SLC24A4: variants seen among roughly 807,000 people sequenced by gnomAD.
The protein encoded by SLC24A4 is sodium/potassium/calcium exchanger 4.
Under a neutral mutation model 79.0 loss-of-function variants are expected in SLC24A4, and 53 were observed. That is an observed-to-expected ratio of 0.67 (90% confidence interval 0.54 to 0.84). SLC24A4 has a LOEUF of 0.84. Ranked by LOEUF, SLC24A4 falls within the 40% of genes least tolerant of loss-of-function variation. The pLI, the probability that SLC24A4 is intolerant of heterozygous loss-of-function variation, is 0.00. For missense variants in SLC24A4, 731 were observed against 822.0 expected, an observed-to-expected ratio of 0.89 and a Z score of 1.35; for synonymous variants, 323 against 323.8, an observed-to-expected ratio of 1.00 and a Z score of 0.03.
chr14:92,411,428 A>G (rs932653444), intron 2 of SLC24A4, among the ~76,000 whole-genome samples: 1 of 152,008 alleles, frequency 6.6e-6, no homozygotes, highest in African/African-American at 2.4e-5. Flanking sequence ...ACATTTTTCC[A>G]TGCCCAGTGT....
At chr14:92,402,389 G>T (rs1187139860) in intron 2 of SLC24A4, among the ~76,000 whole-genome samples, 2 of 152,126 alleles carry the variant, frequency 1.3e-5, no homozygotes, top group Non-Finnish European at 2.9e-5. Context: ...CATGGAGATT[G>T]TCCCAGCTCT....
At chr14:92,332,356 T>C (rs933819146) in intron 2 of SLC24A4, among the ~76,000 whole-genome samples, 1 of 152,022 alleles carries the variant, frequency 6.6e-6, no homozygotes, top group Admixed American at 6.5e-5. Flanking sequence ...TGGTCAACAG[T>C]AGGGTATTGG....
chr14:92,331,092 T>C (rs1421386061), intron 2 of SLC24A4, among the ~76,000 whole-genome samples: 1 of 152,100 alleles, frequency 6.6e-6, no homozygotes, highest in African/African-American at 2.4e-5. Flanking sequence ...AACAGTTGCA[T>C]TCTGTGACTG....
intron 12 of SLC24A4, among the ~76,000 whole-genome samples, chr14:92,472,953 C>T (rs1308056813): frequency 6.6e-6 from 1 of 152,200 alleles, no homozygotes; most frequent in African/African-American, 2.4e-5. Context: ...CCTCCCTTGC[C>T]CCATGAAAGC....
chr14:92,486,262 C>T (rs1895352144), intron 13 of SLC24A4, among the ~76,000 whole-genome samples: 1 of 152,186 alleles, frequency 6.6e-6, no homozygotes, highest in South Asian at 2.1e-4. Flanking sequence ...GAAGAAATGA[C>T]TTCTGTAAAG....
chr14:92,327,738 G>A lies in SLC24A4; in HGVS notation c.241+1760G>A, dbSNP rs147468359. ...TCTCCTTTGCCCCGCTGTGGGCTCT[G>A]TGTCTGTCTTCAGCTGTCTGATTAA... On this transcript the variant is annotated intron_variant, in intron 2 of 16. Coordinates refer to ENST00000532405, the MANE Select transcript of SLC24A4 (RefSeq NM_153646.4). 1.2e-4 allele frequency among the ~76,000 whole-genome samples: 18 copies of A among 152,314 alleles called. No individual in the cohort carries two copies. In the East Asian group the frequency reaches 3.5e-3, roughly 29 times the overall value.
chr14:92,382,742 T>C (rs1283448350), intron 2 of SLC24A4, among the ~76,000 whole-genome samples: 1 of 152,208 alleles, frequency 6.6e-6, no homozygotes, highest in Non-Finnish European at 1.5e-5. Flanking sequence ...TGATCAGTCC[T>C]AGAAATCCAT....
At chr14:92,336,657 T>C (rs2141607444) in intron 2 of SLC24A4, among the ~76,000 whole-genome samples, 1 of 152,334 alleles carries the variant, frequency 6.6e-6, no homozygotes, top group Non-Finnish European at 1.5e-5. Context: ...CAGTCCCTGC[T>C]GTCAGTGAGC....
At chr14:92,472,342 A>G (rs1894483458) in intron 12 of SLC24A4, among the ~76,000 whole-genome samples, 1 of 151,996 alleles carries the variant, frequency 6.6e-6, no homozygotes, top group African/African-American at 2.4e-5. Context: ...ATTTTCGTGC[A>G]CGCATCACCC....
chr14:92,355,252 C>T (rs1164781521), intron 2 of SLC24A4, among the ~76,000 whole-genome samples: 3 of 151,968 alleles, frequency 2.0e-5, no homozygotes, highest in Non-Finnish European at 4.4e-5. Context: ...ACAAGGTGGG[C>T]CTGTAGACGT....
chr14:92,424,482 C>T (rs1295204723), intron 2 of SLC24A4, among the ~76,000 whole-genome samples: 8 of 152,062 alleles, frequency 5.3e-5, no homozygotes, highest in Admixed American at 5.2e-4. Context: ...TCACTGATGG[C>T]AGAAGGTGAA....
At chr14:92,370,752 T>C (rs909862496) in intron 2 of SLC24A4, among the ~76,000 whole-genome samples, 2 of 152,138 alleles carry the variant, frequency 1.3e-5, no homozygotes, top group African/African-American at 4.8e-5. Context: ...GCCCATTAAG[T>C]CCTCAGCAAA....
chr14:92,378,406 G>A (rs1264427461), intron 2 of SLC24A4, among the ~76,000 whole-genome samples: 2 of 152,100 alleles, frequency 1.3e-5, no homozygotes, highest in African/African-American at 4.8e-5. Context: ...GAATGTATGG[G>A]GTTCTCATCA....
chr14:92,444,968 CACACTT>C (rs1892714497), intron 7 of SLC24A4, among the ~76,000 whole-genome samples: 1 of 135,478 alleles, frequency 7.4e-6, no homozygotes, highest in African/African-American at 2.8e-5. Context: ...CACACACACA[CACACTT>C]AGCTATCTTT....
At chr14:92,471,886 A>C (rs1894458056) in intron 12 of SLC24A4, among the ~76,000 whole-genome samples, 1 of 152,320 alleles carries the variant, frequency 6.6e-6, no homozygotes, top group South Asian at 2.1e-4. Flanking sequence ...ATTGCCCAAA[A>C]TCTGGAGAGA....
At position 92,438,485 on chromosome 14, in the gene SLC24A4, TGGTGTGCACCTGTAGTCCCAGCTACTTG is replaced by T. The variant is rs534528128; in HGVS notation, c.319-847_319-820del. ...AATAAACAGAATTAGCTGGGTGTGG[TGGTGTGCACCTGTAGTCCCAGCTACTTG>T]GGAGGCTGAGGTGGGAGGATGATGA... On this transcript the variant is annotated intron_variant, in intron 3 of 16. Coordinates refer to ENST00000532405, the MANE Select transcript of SLC24A4 (RefSeq NM_153646.4). 4.2e-4 allele frequency among the ~76,000 whole-genome samples: 64 copies of T among 152,206 alleles called. 1 individual carries two copies. The South Asian group carries it at 7.5e-3, about 18-fold the overall frequency.
chr14:92,434,449 T>C (rs1159629105), intron 3 of SLC24A4, among the ~76,000 whole-genome samples: 2 of 152,222 alleles, frequency 1.3e-5, no homozygotes, highest in African/African-American at 4.8e-5. Flanking sequence ...TTCAGTGTTA[T>C]GATGTTACAA....
At chr14:92,444,413 G>A (rs1892674930) in intron 7 of SLC24A4, among the ~76,000 whole-genome samples, 1 of 152,184 alleles carries the variant, frequency 6.6e-6, no homozygotes, top group Admixed American at 6.5e-5. Flanking sequence ...TGGTGCCGAT[G>A]TTGATGATGT....
chr14:92,443,558 C>G (rs993683523), intron 7 of SLC24A4, 84 bp downstream of exon 7: 2 of 1,394,976 alleles, frequency 1.4e-6, no homozygotes, highest in African/African-American at 2.8e-5. Context: ...GCCCCTGGCA[C>G]TGTGACCAGA....
Sources: gnomAD v4.1 joint callset for allele counts (sites outside exome capture counted in the v4.1 genomes callset) on GRCh38, gnomAD v4.1.1 for gene constraint, MANE v1.5 for transcripts, NCBI Gene and HGNC (gene_info 2026-07-23, HGNC 2026-07-21) for gene names.